The following PRKG1 variants were observed in gnomAD, a reference collection of about 807,000 sequenced individuals.
PRKG1 encodes cGMP-dependent protein kinase 1.
PRKG1 carries 35 observed loss-of-function variants against 88.1 expected under a neutral mutation model. The observed-to-expected ratio is 0.40, with a 90% CI of 0.30 to 0.53. PRKG1 has a LOEUF of 0.53. PRKG1 is among the 20% of genes least tolerant of loss of function. The pLI, the probability that PRKG1 is intolerant of heterozygous loss-of-function variation, is 0.59. For missense variants in PRKG1, 540 were observed against 839.8 expected (o/e 0.64, Z 4.41); for synonymous variants, 303 against 292.5 (o/e 1.04, Z -0.37).
intron 3 of PRKG1, among the ~76,000 whole-genome samples, chr10:51,536,626 T>C (rs188273532): frequency 9.5e-4 from 145 of 152,262 alleles, no homozygotes; most frequent in South Asian, 4.1e-3. Flanking sequence ...ATGTCCAGAA[T>C]GGTACTTCCT....
chr10:51,770,664 C>T (rs1225772256), intron 3 of PRKG1, among the ~76,000 whole-genome samples: 5 of 152,064 alleles, frequency 3.3e-5, no homozygotes, highest in African/African-American at 4.8e-5. Flanking sequence ...TTGTGAACTG[C>T]GCATGTGAGG....
intron 2 of PRKG1, among the ~76,000 whole-genome samples, chr10:51,365,688 A>G (rs1842573621): frequency 6.6e-6 from 1 of 151,922 alleles, no homozygotes; most frequent in Non-Finnish European, 1.5e-5. Flanking sequence ...GTAAATTAGA[A>G]TCTGCATTTT....
intron 3 of PRKG1, among the ~76,000 whole-genome samples, chr10:51,803,718 GT>G (rs57650252): frequency 6.7e-6 from 1 of 149,766 alleles, no homozygotes; most frequent in African/African-American, 2.5e-5. Context: ...TATTTGAATT[GT>G]TTTTTTTTAG....
At chr10:52,246,566 A>G (rs973923380) in intron 9 of PRKG1, among the ~76,000 whole-genome samples, 7 of 152,208 alleles carry the variant, frequency 4.6e-5, no homozygotes, top group African/African-American at 1.7e-4. Context: ...TAAAAGTTCA[A>G]TATTTCATTA....
intron 4 of PRKG1, among the ~76,000 whole-genome samples, chr10:51,862,980 G>A (rs1334050723): frequency 2.6e-5 from 4 of 151,964 alleles, no homozygotes; most frequent in African/African-American, 9.7e-5. Flanking sequence ...GCCCTATATT[G>A]AAGATCAGGT....
At chr10:51,358,504 T>C (rs1297081545) in intron 2 of PRKG1, among the ~76,000 whole-genome samples, 1 of 151,924 alleles carries the variant, frequency 6.6e-6, no homozygotes, top group Non-Finnish European at 1.5e-5. Context: ...AATCTGTCTT[T>C]AGAAAATATA....
intron 5 of PRKG1, among the ~76,000 whole-genome samples, chr10:52,009,585 T>C (rs1266884572): frequency 2.0e-5 from 3 of 152,156 alleles, no homozygotes; most frequent in African/African-American, 7.2e-5. Context: ...ATCATTAAAA[T>C]GGCCATACTG....
At position 52,151,051 on chromosome 10, in the gene PRKG1, A is replaced by AT. The variant is rs576011508; in HGVS notation, c.1002-10838_1002-10837insT. On this transcript the variant is annotated intron_variant, in intron 8 of 17. Transcript: ENST00000373980. ...CAATTATACGAATTTGTAAATTTTA[A>AT]ATAATTTGTAAGTAGAGGAGCCTGA... Among the ~76,000 whole-genome samples, 318 of 152,236 alleles carry AT rather than the reference A, an allele frequency of 2.1e-3. 3 individuals are homozygous for AT. Among genetic ancestry groups the AT allele is most frequent in the African/African-American group, 7.1e-3 (293 of 41,556 alleles).
intron 3 of PRKG1, chr10:51,699,233 G>A (rs1181112374): frequency 1.2e-6 from 2 of 1,614,060 alleles, no homozygotes. Flanking sequence ...GGGCGCTGCA[G>A]GCCCAAGGCT....
At chr10:52,131,844 A>AAC (rs1837273900) in intron 7 of PRKG1, among the ~76,000 whole-genome samples, 1 of 117,174 alleles carries the variant, frequency 8.5e-6, no homozygotes, top group Non-Finnish European at 2.0e-5. Flanking sequence ...AAAAAAAAAA[A>AAC]AAGAGGCCAG....
intron 3 of PRKG1, among the ~76,000 whole-genome samples, chr10:51,507,704 C>A (rs1333907660): frequency 1.3e-5 from 2 of 152,110 alleles, no homozygotes; most frequent in African/African-American, 4.8e-5. Context: ...CCACTTCCCA[C>A]CCCAGTACTC....
At chr10:52,164,957 T>C (rs142343209) in intron 9 of PRKG1, among the ~76,000 whole-genome samples, 61 of 152,306 alleles carry the variant, frequency 4.0e-4, no homozygotes, top group East Asian at 1.9e-3. Flanking sequence ...TACAGTTTTG[T>C]TTGAATTTTC....
At chr10:51,392,994 C>A (rs549544807) in intron 2 of PRKG1, among the ~76,000 whole-genome samples, 2 of 151,142 alleles carry the variant, frequency 1.3e-5, no homozygotes, top group Non-Finnish European at 3.0e-5. Context: ...GGGTAGCTGC[C>A]GGGCAGAGAC....
At chr10:51,584,124 T>A (rs572493509) in intron 3 of PRKG1, among the ~76,000 whole-genome samples, 3 of 152,126 alleles carry the variant, frequency 2.0e-5, no homozygotes, top group African/African-American at 4.8e-5. Context: ...TTCCATTAAT[T>A]AATTTGTTTC....
chr10:51,224,167 C>T (rs1002366241), intron 2 of PRKG1, among the ~76,000 whole-genome samples: 1 of 152,100 alleles, frequency 6.6e-6, no homozygotes, highest in African/African-American at 2.4e-5. Context: ...CTAGACCTGC[C>T]AAGTGTGACA....
At chr10:51,864,029 C>T (rs1445650200) in intron 4 of PRKG1, among the ~76,000 whole-genome samples, 2 of 152,162 alleles carry the variant, frequency 1.3e-5, no homozygotes, top group Non-Finnish European at 2.9e-5. Flanking sequence ...CAGCATCCTT[C>T]CCAGCATCCC....
At position 51,380,844 on chromosome 10, in the gene PRKG1, G is replaced by A. The variant is rs189839132; in HGVS notation, c.479-86879G>A. Among the ~76,000 whole-genome samples the A allele has an allele frequency of 3.5e-3, 540 of 152,194 alleles. 1 individual carries two copies. Among genetic ancestry groups the A allele is most frequent in the African/African-American group, 0.011 (458 of 41,534 alleles). On this transcript the variant is annotated intron_variant, in intron 2 of 17. Transcript: ENST00000373980. ...AGGGGAATAATGAAACTTAGGCGAC[G>A]TCCAGGAAGATTGTAACCCCATAGT...
intron 7 of PRKG1, among the ~76,000 whole-genome samples, chr10:52,071,866 G>T (rs372639270): frequency 3.9e-5 from 6 of 152,280 alleles, no homozygotes; most frequent in African/African-American, 1.2e-4. Flanking sequence ...AACATTGAAA[G>T]AATTCAGTTC....
intron 2 of PRKG1, among the ~76,000 whole-genome samples, chr10:51,159,791 T>G (rs896296224): frequency 1.3e-5 from 2 of 152,124 alleles, no homozygotes; most frequent in African/African-American, 4.8e-5. Context: ...GGATGACTGT[T>G]TTTAAGTGTG....
Sources: allele counts gnomAD v4.1 joint callset (sites outside exome capture counted in the v4.1 genomes callset), GRCh38; gene constraint gnomAD v4.1.1; transcripts MANE v1.5; gene names NCBI Gene and HGNC (gene_info 2026-07-23, HGNC 2026-07-21).